Variants in ANKRD11 observed in about 807,000 individuals in gnomAD.
ANKRD11 encodes ankyrin repeat domain 11.
A neutral mutation model predicts 195.7 loss-of-function variants in ANKRD11; 17 were observed. The observed-to-expected ratio is 0.09, with a 90% CI of 0.06 to 0.13. The LOEUF is 0.13. Ranked by LOEUF, ANKRD11 falls within the 10% of genes least tolerant of loss-of-function variation. The pLI is 1.00. For missense variants in ANKRD11, 3,735 were observed against 3,566.1 expected, an observed-to-expected ratio of 1.05 and a Z score of -1.21; for synonymous variants, 1,953 against 1,528.1, an observed-to-expected ratio of 1.28 and a Z score of -6.49.
At position 89,394,610 on chromosome 16, in the gene ANKRD11, A is replaced by G. The variant is rs536718856; in HGVS notation, c.-60+23674T>C. 8.6e-4 allele frequency among the ~76,000 whole-genome samples: 128 copies of G among 148,562 alleles called. No homozygotes were observed. In the South Asian group the frequency reaches 0.013, roughly 16 times the overall value. Reference sequence around the variant, plus strand: ...ACCACTGCACTCCAGCCTGGGCGACAAAAGCAAAACTCTGTCTCCAAAAAA... The same window carrying G: ...ACCACTGCACTCCAGCCTGGGCGACGAAAGCAAAACTCTGTCTCCAAAAAA... On this transcript the variant is annotated intron_variant, in intron 2 of 12. Transcript: ENST00000301030.
At chr16:89,321,808 G>T (rs898649338) in intron 2 of ANKRD11, among the ~76,000 whole-genome samples, 2 of 152,146 alleles carry the variant, frequency 1.3e-5, no homozygotes, top group African/African-American at 4.8e-5. Flanking sequence ...CACTGCGTGG[G>T]TTCACTTACA....
At chr16:89,327,102 T>G in intron 2 of ANKRD11, among the ~76,000 whole-genome samples, 1 of 151,718 alleles carries the variant, frequency 6.6e-6, no homozygotes, top group East Asian at 1.9e-4. Flanking sequence ...AGGTGGGGAA[T>G]GCAGAGGTTG....
chr16:89,404,736 G>A (rs920916356), intron 2 of ANKRD11, among the ~76,000 whole-genome samples: 4 of 152,262 alleles, frequency 2.6e-5, no homozygotes, highest in African/African-American at 4.8e-5. Flanking sequence ...AGAACAGGCA[G>A]GGACAGGCCC....
In ANKRD11 at chr16:89,268,572, G is replaced by T; in HGVS notation, c.7898C>A (p.Pro2633His). 6.5e-7 allele frequency: 1 copy of T among 1,535,620 alleles called. No homozygotes were observed. The highest frequency in any genetic ancestry group is 8.8e-7 in the Non-Finnish European group (1 of 1,133,976). Residue 2633 changes from proline (P) to histidine (H), a missense_variant, in exon 13 of 13, where the codon CCC becomes CAC. Transcript: ENST00000301030. ...CACGCACAGGGACTTGTGCCCGGCG[G>T]GGTCCAGTTCCTGCACCTTCAGCTG... ...EWQLKVQELD[P>H]AGHKSLCVNE...
chr16:89,282,301 T>C lies in ANKRD11; in HGVS notation c.4241A>G (p.Asp1414Gly), dbSNP rs1288680584. Residue 1414 changes from aspartate to glycine, a missense_variant, in exon 9 of 13, where the codon GAT becomes GGT. Transcript: ENST00000301030. Reference protein sequence around the residue: ...VSYNMKADIEDELDKTIELFS... With the variant: ...VSYNMKADIEGELDKTIELFS... ...CAATTCAATGGTTTTATCTAGCTCATCTTCTATGTCAGCTTTCATGTTGTA... is the reference window on the plus strand; with the variant it reads ...CAATTCAATGGTTTTATCTAGCTCACCTTCTATGTCAGCTTTCATGTTGTA... 6.2e-6 allele frequency: 10 copies of C among 1,613,792 alleles called. 1 individual carries two copies. In the South Asian group the frequency reaches 7.7e-5, roughly 12 times the overall value.
intron 2 of ANKRD11, among the ~76,000 whole-genome samples, chr16:89,345,460 A>C (rs903195052): frequency 1.4e-4 from 21 of 152,158 alleles, no homozygotes; most frequent in African/African-American, 4.8e-4. Flanking sequence ...CCCTGCAGCC[A>C]CGGAAGGACG....
intron 2 of ANKRD11, among the ~76,000 whole-genome samples, chr16:89,328,350 T>A (rs534462940): frequency 6.6e-6 from 1 of 152,232 alleles, no homozygotes. Flanking sequence ...AGGACATTTA[T>A]CTGAGAAAAT....
intron 9 of ANKRD11, among the ~76,000 whole-genome samples, chr16:89,277,055 T>A (rs1369652089): frequency 1.0e-4 from 15 of 143,376 alleles, no homozygotes; most frequent in Non-Finnish European, 6.1e-5. Context: ...GACTCTGTCT[T>A]AAAAAAAAAA....
At chr16:89,378,293 G>C (rs528250351) in intron 2 of ANKRD11, among the ~76,000 whole-genome samples, 1 of 152,116 alleles carries the variant, frequency 6.6e-6, no homozygotes, top group Non-Finnish European at 1.5e-5. Flanking sequence ...TTAAATACTC[G>C]GGGTATAAAA....
At chr16:89,402,590 G>C (rs1287593252) in intron 2 of ANKRD11, among the ~76,000 whole-genome samples, 1 of 151,076 alleles carries the variant, frequency 6.6e-6, no homozygotes, top group East Asian at 1.9e-4. Context: ...GCTGAGGTGG[G>C]AGGATTGGTT....
Position 89,361,151 on chromosome 16 carries a change from C to T in ANKRD11, c.-59-44073G>A, listed in dbSNP as rs189850434. On this transcript the variant is annotated intron_variant, in intron 2 of 12. Transcript: ENST00000301030. ...ACCCTGGCTAGGCCCGTACTTCTTC[C>T]TGTAAGCCTGAAACCCTGCTCAGCT... Among the ~76,000 whole-genome samples the T allele has an allele frequency of 5.3e-5, 8 of 152,338 alleles. No homozygotes were observed. The East Asian group carries it at 1.5e-3, about 29-fold the overall frequency.
chr16:89,398,272 T>C (rs922797714), intron 2 of ANKRD11, among the ~76,000 whole-genome samples: 197 of 144,150 alleles, frequency 1.4e-3, no homozygotes, highest in African/African-American at 5.1e-3. Context: ...CAGGTGAAGA[T>C]TACCTGTGAC....
chr16:89,468,727 C>G (rs1343806827), intron 1 of ANKRD11, among the ~76,000 whole-genome samples: 1 of 151,998 alleles, frequency 6.6e-6, no homozygotes, highest in East Asian at 1.9e-4. Context: ...AAGGACGAAG[C>G]AAAAGTGAAG....
chr16:89,380,705 C>T (rs1349368379), intron 2 of ANKRD11, among the ~76,000 whole-genome samples: 1 of 152,222 alleles, frequency 6.6e-6, no homozygotes, highest in Non-Finnish European at 1.5e-5. Context: ...CGAGTACCTG[C>T]CTGCTTTCCA....
At chr16:89,273,622 G>T (rs974013840) in intron 11 of ANKRD11, among the ~76,000 whole-genome samples, 1 of 151,904 alleles carries the variant, frequency 6.6e-6, no homozygotes, top group Non-Finnish European at 1.5e-5. Flanking sequence ...GCTTGAACCC[G>T]GAAGCCAGAG....
At chr16:89,323,658 G>A (rs961034825) in intron 2 of ANKRD11, 5 of 321,018 alleles carry the variant, frequency 1.6e-5, no homozygotes, top group Non-Finnish European at 3.0e-5. Flanking sequence ...AGGCCCTCCC[G>A]CACACCGCCT....
At chr16:89,360,371 A>T (rs890587510) in intron 2 of ANKRD11, among the ~76,000 whole-genome samples, 1 of 152,228 alleles carries the variant, frequency 6.6e-6, no homozygotes, top group African/African-American at 2.4e-5. Context: ...AGCTGGGACT[A>T]CAGGTGAACA....
intron 1 of ANKRD11, among the ~76,000 whole-genome samples, chr16:89,459,908 G>A (rs1424158153): frequency 1.3e-5 from 2 of 151,484 alleles, no homozygotes; most frequent in Admixed American, 6.6e-5. Context: ...ACTCCATCCT[G>A]GGTGACCAAG....
At chr16:89,413,087 C>A (rs978445772) in intron 2 of ANKRD11, among the ~76,000 whole-genome samples, 4 of 152,130 alleles carry the variant, frequency 2.6e-5, no homozygotes, top group African/African-American at 9.7e-5. Flanking sequence ...TAGGAGGGGG[C>A]GCCGCTCAGC....
Sources: gnomAD v4.1 joint callset for allele counts (sites outside exome capture counted in the v4.1 genomes callset) on GRCh38, gnomAD v4.1.1 for gene constraint, MANE v1.5 for transcripts, NCBI Gene and HGNC (gene_info 2026-07-23, HGNC 2026-07-21) for gene names.